Variants in NRG3 observed in about 807,000 individuals in gnomAD.
NRG3 encodes the protein neuregulin 3, also known as pro-neuregulin-3, membrane-bound isoform.
A neutral mutation model predicts 66.9 loss-of-function variants in NRG3; 31 were observed. The ratio of observed to expected loss-of-function variants is 0.46; its 90% CI spans 0.35 to 0.63. NRG3 has a LOEUF of 0.63. Ranked by LOEUF, NRG3 falls within the 20% of genes least tolerant of loss-of-function variation. NRG3 has a pLI of 0.00. For synonymous variants in NRG3, 393 were observed against 359.4 expected (o/e 1.09, Z -1.06); for missense variants, 910 against 878.9 (o/e 1.04, Z -0.45).
intron 1 of NRG3, among the ~76,000 whole-genome samples, chr10:82,281,470 A>G (rs2079117016): frequency 6.6e-6 from 1 of 152,074 alleles, no homozygotes; most frequent in African/African-American, 2.4e-5. Flanking sequence ...AGAAGAAGAA[A>G]TCTGTTGCAC....
intron 1 of NRG3, among the ~76,000 whole-genome samples, chr10:81,892,804 ATAAC>A (rs1843156205): frequency 1.3e-5 from 2 of 152,232 alleles, no homozygotes; most frequent in African/African-American, 4.8e-5. Context: ...ACATTTAAAA[ATAAC>A]TAAAAGAATA....
chr10:82,329,395 T>A (rs1589738245), intron 1 of NRG3, among the ~76,000 whole-genome samples: 1 of 147,456 alleles, frequency 6.8e-6, no homozygotes, highest in African/African-American at 2.6e-5. Context: ...GAGTGCTAAG[T>A]TTTTTTGTTT....
chr10:82,806,208 G>A (rs1285075470), intron 3 of NRG3, among the ~76,000 whole-genome samples: 1 of 152,124 alleles, frequency 6.6e-6, no homozygotes, highest in Non-Finnish European at 1.5e-5. Flanking sequence ...GTGTCAACAA[G>A]GTTTGAGTTC....
At chr10:82,078,115 A>G (rs2065190255) in intron 1 of NRG3, among the ~76,000 whole-genome samples, 1 of 152,132 alleles carries the variant, frequency 6.6e-6, no homozygotes. Context: ...AAAGTTGAAA[A>G]TTAAAAAAAA....
chr10:82,943,019 G>C (rs1475309107), intron 4 of NRG3, among the ~76,000 whole-genome samples: 2 of 152,062 alleles, frequency 1.3e-5, no homozygotes, highest in Admixed American at 6.6e-5. Context: ...CCAGTTTCTG[G>C]ACACAGACTT....
intron 2 of NRG3, among the ~76,000 whole-genome samples, chr10:82,386,939 A>C: frequency 6.6e-6 from 1 of 152,100 alleles, no homozygotes. Context: ...AGCTGGGTTT[A>C]CAGGCACACA....
chr10:81,876,292 G>T, intron 1 of NRG3, 129 bp downstream of exon 1: 1 of 1,333,614 alleles, frequency 7.5e-7, no homozygotes, highest in Non-Finnish European at 1.0e-6. Context: ...GGCAGAGTGA[G>T]AGCTGATTAA....
chr10:82,124,512 G>A (rs544326900), intron 1 of NRG3, among the ~76,000 whole-genome samples: 1 of 151,964 alleles, frequency 6.6e-6, no homozygotes, highest in South Asian at 2.1e-4. Flanking sequence ...CGTAAGTGAG[G>A]CGGAACTTTC....
rs528237260 is a variant in NRG3 at position 82,884,677 on chromosome 10, C to A, written c.1054+19240C>A. ...GCATACTTGTGTTTTCTACTTCTAA[C>A]TGATCATTATTTTCCCATCATATAT... On this transcript the variant is annotated intron_variant, in intron 4 of 8. Coordinates refer to ENST00000372141, the MANE Select transcript of NRG3 (RefSeq NM_001010848.4). Among the ~76,000 whole-genome samples the A allele has an allele frequency of 2.0e-5, 3 of 152,266 alleles. No homozygotes were observed. In the South Asian group the frequency reaches 6.2e-4, roughly 32 times the overall value.
In NRG3 at chr10:81,884,546, A is replaced by G. The variant is rs143950467; in HGVS notation, c.823+8383A>G. The stretch of plus-strand genomic sequence containing the variant: ...AAAAATATATTTAAAAATAAAAACA[A>G]CAACACAACAATTAAAAATACAAAT... On this transcript the variant is annotated intron_variant, in intron 1 of 8. Coordinates refer to ENST00000372141, the MANE Select transcript of NRG3 (RefSeq NM_001010848.4). Among the ~76,000 whole-genome samples, 535 of 152,358 alleles carry G rather than the reference A, an allele frequency of 3.5e-3. 12 individuals carry two copies. The highest frequency in any genetic ancestry group is 0.032 in the Admixed American group (486 of 15,288).
At chr10:82,071,920 T>G (rs1361595474) in intron 1 of NRG3, among the ~76,000 whole-genome samples, 1 of 152,228 alleles carries the variant, frequency 6.6e-6, no homozygotes, top group East Asian at 1.9e-4. Flanking sequence ...AATTTTATTT[T>G]TAATAAGCAA....
At chr10:82,813,212 T>C (rs2061565303) in intron 3 of NRG3, among the ~76,000 whole-genome samples, 1 of 12,286 alleles carries the variant, frequency 8.1e-5, no homozygotes, top group African/African-American at 2.6e-4. Context: ...TCTGTTTCTC[T>C]TTTTTTTTTT....
intron 1 of NRG3, among the ~76,000 whole-genome samples, chr10:82,067,373 C>T (rs915146644): frequency 6.6e-6 from 1 of 152,136 alleles, no homozygotes; most frequent in African/African-American, 2.4e-5. Context: ...GGTTTGTTTG[C>T]TTGCTTTGGA....
chr10:82,975,271 G>A (rs1231257508), intron 7 of NRG3, among the ~76,000 whole-genome samples: 1 of 152,146 alleles, frequency 6.6e-6, no homozygotes, highest in Non-Finnish European at 1.5e-5. Flanking sequence ...ATTATGACAC[G>A]TTAAAGTAGT....
chr10:82,739,380 A>T (rs1020828496), intron 3 of NRG3, among the ~76,000 whole-genome samples: 1 of 152,198 alleles, frequency 6.6e-6, no homozygotes, highest in Admixed American at 6.5e-5. Context: ...AAAAATGGGG[A>T]TTTTCATTGA....
intron 1 of NRG3, among the ~76,000 whole-genome samples, chr10:82,229,392 G>A (rs910800396): frequency 4.6e-5 from 7 of 152,046 alleles, no homozygotes; most frequent in Admixed American, 3.9e-4. Flanking sequence ...CAGACATTTG[G>A]GAAACAGAAA....
chr10:82,223,357 C>T (rs1284998164), intron 1 of NRG3, among the ~76,000 whole-genome samples: 2 of 152,046 alleles, frequency 1.3e-5, no homozygotes, highest in Non-Finnish European at 2.9e-5. Context: ...TATCACAAGA[C>T]AGGCTGTCTG....
chr10:82,948,130 A>T (rs1490562605), intron 4 of NRG3, among the ~76,000 whole-genome samples: 2 of 152,048 alleles, frequency 1.3e-5, no homozygotes, highest in African/African-American at 4.8e-5. Context: ...TTTTGTGGAT[A>T]TGGCTATATA....
chr10:82,255,581 T>A (rs953524040), intron 1 of NRG3, among the ~76,000 whole-genome samples: 1 of 149,504 alleles, frequency 6.7e-6, no homozygotes, highest in African/African-American at 2.5e-5. Context: ...TCTGTAAATC[T>A]TTTTTTTTTA....
Sources: allele counts gnomAD v4.1 joint callset (sites outside exome capture counted in the v4.1 genomes callset), GRCh38; gene constraint gnomAD v4.1.1; transcripts MANE v1.5; gene names NCBI Gene and HGNC (gene_info 2026-07-23, HGNC 2026-07-21).